Variants in GOLGA2 observed in about 807,000 individuals in gnomAD.
GOLGA2 encodes golgin subfamily A member 2.
In GOLGA2, 49 loss-of-function variants were observed where a neutral mutation model predicts 148.8. That is an observed-to-expected ratio of 0.33 (90% confidence interval 0.26 to 0.42). GOLGA2 has a LOEUF of 0.42. GOLGA2 is among the 10% of genes least tolerant of loss of function. The pLI, the probability that GOLGA2 is intolerant of heterozygous loss-of-function variation, is 1.00. For synonymous variants in GOLGA2, 501 were observed against 511.8 expected (o/e 0.98, Z 0.28); for missense variants, 1,178 against 1,304.6 (o/e 0.90, Z 1.49).
chr9:128,264,376 A>G (rs2131358592), intron 12 of GOLGA2, among the ~76,000 whole-genome samples: 1 of 150,896 alleles, frequency 6.6e-6, no homozygotes, highest in South Asian at 2.1e-4. Flanking sequence ...CTAGGATTAC[A>G]GGCATGCGCC....
In GOLGA2 at chr9:128,259,293, G is replaced by T; in HGVS notation, c.1971C>A (p.Thr657=). The part of the protein sequence containing the change: ...QQYVAAYQQL[T]SEKEVLHNQL... ...GATTATGCAGCACCTCCTTCTCAGAGGTCAGCTGCTGATAGGCGGCCACAT... is the reference window on the plus strand; with the variant it reads ...GATTATGCAGCACCTCCTTCTCAGATGTCAGCTGCTGATAGGCGGCCACAT... Residue 657 remains threonine (T), a synonymous_variant, in exon 20 of 27, where the codon ACC becomes ACA. Transcript: ENST00000611957. The T allele has an allele frequency of 1.9e-6, 3 of 1,611,984 alleles. No individual in the cohort carries two copies. The highest frequency in any genetic ancestry group is 2.5e-6 in the Non-Finnish European group (3 of 1,179,404).
chr9:128,268,178 T>C lies in GOLGA2; in HGVS notation c.394-18A>G. The C allele has an allele frequency of 6.2e-7, 1 of 1,607,050 alleles. No individual in the cohort carries two copies. The highest frequency in any genetic ancestry group is 8.5e-7 in the Non-Finnish European group (1 of 1,173,646). ...TCATGATTCTGTTTGGGAAGAAACG[T>C]GTGAGATGGTCATTCAATTTCTGGT... On this transcript the variant is annotated intron_variant, in intron 4 of 26. Coordinates refer to ENST00000611957, the MANE Select transcript of GOLGA2 (RefSeq NM_001366244.2).
chr9:128,256,989 G>A lies in GOLGA2; in HGVS notation c.*78C>T. 2 of 1,101,340 alleles carry A rather than the reference G, an allele frequency of 1.8e-6. No homozygotes were observed. 68.2% of individuals were successfully genotyped at this position (1,101,340 alleles called of 1,614,324 possible). ...CTACTGTAAGGGTAAAGGGTTGACT[G>A]AGAAGGGATGGTAGGGATATGGTGG... On this transcript the variant is annotated 3_prime_UTR_variant, in exon 27 of 27. Coordinates refer to ENST00000611957, the MANE Select transcript of GOLGA2 (RefSeq NM_001366244.2).
intron 12 of GOLGA2, among the ~76,000 whole-genome samples, chr9:128,263,411 C>T (rs1830394700): frequency 6.6e-6 from 1 of 151,944 alleles, no homozygotes; most frequent in Non-Finnish European, 1.5e-5. Context: ...CCACCATGTC[C>T]GGCTAATTTG....
At position 128,271,217 on chromosome 9, in the gene GOLGA2, C is replaced by A. The variant is rs894905756; in HGVS notation, c.288+1568G>T. On this transcript the variant is annotated intron_variant, in intron 3 of 26. Transcript: ENST00000611957. The surrounding 1 kb of genome is among the most constrained non-coding windows in gnomAD (Gnocchi z 4.4). The stretch of plus-strand genomic sequence containing the variant: ...CCAAATGCTTTTGGCTGCAGGTCAC[C>A]TCTAAGCCTGTGCTCCCCAGCCGTA... 1.3e-5 allele frequency among the ~76,000 whole-genome samples: 2 copies of A among 152,170 alleles called. No individual in the cohort carries two copies. The highest frequency in any genetic ancestry group is 4.8e-5 in the African/African-American group (2 of 41,426).
chr9:128,268,110 C>T lies in GOLGA2; in HGVS notation c.437+7G>A. The T allele has an allele frequency of 6.2e-7, 1 of 1,612,530 alleles. No homozygotes were observed. The highest frequency in any genetic ancestry group is 8.5e-7 in the Non-Finnish European group (1 of 1,178,574). On this transcript the variant is annotated splice_region_variant and intron_variant, in intron 5 of 26. Transcript: ENST00000611957. ...TAGAGACTGCTGCCCCAACAGGAGACACTCACTTGGTTTCATCCATGAGAT... is the reference window on the plus strand; with the variant it reads ...TAGAGACTGCTGCCCCAACAGGAGATACTCACTTGGTTTCATCCATGAGAT...
chr9:128,263,907 G>A (rs1417500938), intron 12 of GOLGA2, among the ~76,000 whole-genome samples: 1 of 150,160 alleles, frequency 6.7e-6, no homozygotes, highest in African/African-American at 2.4e-5. Flanking sequence ...CTGTAATCCT[G>A]GCACTTTGGG....
chr9:128,262,784 C>G (rs759053625), intron 13 of GOLGA2, 80 bp from the exon 14 acceptor site: 9 of 1,340,756 alleles, frequency 6.7e-6, no homozygotes, highest in Non-Finnish European at 7.3e-6. Flanking sequence ...TACCCTTGCC[C>G]CACAACCACA....
intron 12 of GOLGA2, among the ~76,000 whole-genome samples, chr9:128,263,664 C>T (rs1056078172): frequency 3.3e-5 from 5 of 151,832 alleles, no homozygotes; most frequent in Non-Finnish European, 5.9e-5. Context: ...GTGATCCGCC[C>T]GTCTCAGCCT....
At chr9:128,275,032 A>G (rs932310904) in intron 1 of GOLGA2, among the ~76,000 whole-genome samples, 6 of 152,178 alleles carry the variant, frequency 3.9e-5, no homozygotes, top group African/African-American at 1.4e-4. Flanking sequence ...AAAAAATGTT[A>G]AAGTCTCTCT....
intron 2 of GOLGA2, 70 bp downstream of exon 2, chr9:128,273,780 A>C: frequency 6.4e-7 from 1 of 1,553,556 alleles, no homozygotes; most frequent in Non-Finnish European, 8.8e-7. Context: ...GTTCTTCCAC[A>C]ATCATAACAA....
At chr9:128,265,033 G>A (rs1830509219) in intron 12 of GOLGA2, among the ~76,000 whole-genome samples, 1 of 152,144 alleles carries the variant, frequency 6.6e-6, no homozygotes, top group Non-Finnish European at 1.5e-5. Context: ...GAGGGTGGGG[G>A]CACAAATAGG....
chr9:128,259,110 G>A, intron 20 of GOLGA2, 28 bp from the exon 21 acceptor site: 1 of 1,604,508 alleles, frequency 6.2e-7, no homozygotes, highest in Non-Finnish European at 8.5e-7. Context: ...AGAGTGAGAA[G>A]GCATGGAGGT....
At chr9:128,275,736 G>A (rs1288567191) in intron 1 of GOLGA2, among the ~76,000 whole-genome samples, 157 bp downstream of exon 1, 1 of 152,122 alleles carries the variant, frequency 6.6e-6, no homozygotes, top group Non-Finnish European at 1.5e-5. Flanking sequence ...GGCTGAGGGG[G>A]CGGGGCTGGC....
chr9:128,265,632 C>G lies in GOLGA2; in HGVS notation c.886G>C (p.Glu296Gln), dbSNP rs1358464790. 1 of 1,613,852 alleles carries G rather than the reference C, an allele frequency of 6.2e-7. No homozygotes were observed. Among genetic ancestry groups the G allele is most frequent in the Admixed American group, 1.7e-5 (1 of 60,026 alleles). Reference sequence around the variant, plus strand: ...GTGGAGACAGCAGAGAGAGCCCGCTCCAACTCTCCCACACGCCGCCGGGAA... The same window carrying G: ...GTGGAGACAGCAGAGAGAGCCCGCTGCAACTCTCCCACACGCCGCCGGGAA... ...QYSRRRVGEL[E>Q]RALSAVSTQQ... Residue 296 changes from glutamate to glutamine, a missense_variant, in exon 12 of 27, where the codon GAG (glutamate) becomes CAG (glutamine). By Grantham distance (29) the Glu-to-Gln change is conservative. This residue lies in a region of GOLGA2 where 304 missense variants were observed against 404.1 expected (regional missense o/e 0.75). Transcript: ENST00000611957.
chr9:128,263,716 C>T (rs1014552216), intron 12 of GOLGA2, among the ~76,000 whole-genome samples: 4 of 151,774 alleles, frequency 2.6e-5, no homozygotes, highest in African/African-American at 9.7e-5. Flanking sequence ...CCATGCCTGG[C>T]CTAATTTTTT....
chr9:128,263,044 A>G lies in GOLGA2; in HGVS notation c.982T>C (p.Tyr328His), dbSNP rs535434830. ...KERDALRLEL[Y>H]KNTQSNEDLK... ...CATCCCCCATCCTACGTGTTCTTGT[A>G]TAACTCCAGCCTGAGGGCGTCTCTC... Residue 328 changes from tyrosine (Y) to histidine (H), a missense_variant, in exon 13 of 27, where the codon TAC becomes CAC. Around this residue, in one of 5 missense-constraint regions of GOLGA2, gnomAD observed 304 missense variants for 404.1 expected, o/e 0.75. Coordinates refer to ENST00000611957, the MANE Select transcript of GOLGA2 (RefSeq NM_001366244.2). The G allele has an allele frequency of 2.9e-5, 47 of 1,607,958 alleles. No individual in the cohort carries two copies. Among genetic ancestry groups the G allele is most frequent in the South Asian group, 9.9e-5 (9 of 90,970 alleles).
chr9:128,261,275 C>A lies in GOLGA2; in HGVS notation c.1333-16G>T, dbSNP rs758786312. 2.5e-6 allele frequency: 4 copies of A among 1,598,142 alleles called. No homozygotes were observed. Among genetic ancestry groups the A allele is most frequent in the Non-Finnish European group, 3.4e-6 (4 of 1,165,704 alleles). ...ATGTGTGCACCTGCCCAAAGCACAG[C>A]AAGAAAGGGCCCTGGAGAGGGGCTG... On this transcript the variant is annotated splice_polypyrimidine_tract_variant and intron_variant, in intron 16 of 26. Transcript: ENST00000611957. The surrounding 1 kb of genome is among the most constrained non-coding windows in gnomAD (Gnocchi z 5.7).
rs1830070811 is a variant in GOLGA2, at chr9:128,258,815, C to G, written c.2173+192G>C. 1 of 622,806 alleles carries G rather than the reference C, an allele frequency of 1.6e-6. No homozygotes were observed. The highest frequency in any genetic ancestry group is 2.7e-5 in the East Asian group (1 of 36,700). The allele number at this position is 622,806 out of a possible 1,614,324, so 38.6% of individuals were successfully genotyped here. A position where few individuals can be genotyped will look rare whatever the true frequency, so the allele number is the denominator to read the frequency against. On this transcript the variant is annotated intron_variant, in intron 21 of 26. Transcript: ENST00000611957. This position sits in a 1 kb window ranked among gnomAD's most constrained non-coding sequence, Gnocchi z 6.6. ...TCATTTCTGACCTGGGCCAGTTCAC[C>G]CATCCTTAGGTAAGCTGGTAGTGCC...
Sources: gnomAD v4.1 joint callset for allele counts (sites outside exome capture counted in the v4.1 genomes callset) on GRCh38, gnomAD v4.1.1 for gene constraint, gnomAD v4.1.1 regional missense constraint, Gnocchi (gnomAD v3.1) non-coding constraint, MANE v1.5 for transcripts, NCBI Gene and HGNC (gene_info 2026-07-23, HGNC 2026-07-21) for gene names.